Variants in FPGS observed in about 807,000 individuals in gnomAD.
The protein encoded by FPGS is folylpolyglutamate synthase.
FPGS carries 53 observed loss-of-function variants against 66.5 expected under a neutral mutation model. The ratio of observed to expected loss-of-function variants is 0.80; its 90% CI spans 0.64 to 1.00. FPGS has a LOEUF of 1.00. FPGS is among the 50% of genes least tolerant of loss of function. FPGS has a pLI of 0.00. For missense variants in FPGS, 702 were observed against 807.7 expected, an observed-to-expected ratio of 0.87 and a Z score of 1.59; for synonymous variants, 348 against 350.9, an observed-to-expected ratio of 0.99 and a Z score of 0.09.
In FPGS at chr9:127,807,614, CTT is replaced by C; in HGVS notation, c.671_672del (p.Leu224ArgfsTer24). The C allele has an allele frequency of 1.2e-6, 2 of 1,612,420 alleles. No homozygotes were observed. Among genetic ancestry groups the C allele is most frequent in the Non-Finnish European group, 1.7e-6 (2 of 1,179,462 alleles). On this transcript the variant is annotated frameshift_variant, in exon 8 of 15. Transcript: ENST00000373247. LOFTEE classifies it high-confidence loss of function. The surrounding 1 kb of genome is among the most constrained non-coding windows in gnomAD (Gnocchi z 5.8). ...GCCTGTGGTGTGCGGAGTCTCCTCT[CTT>C]GGCATCGACCACACCAGCCTCCTGG... ...RKPVVCGVSS[L>X]GIDHTSLLGD... is the part of the protein sequence containing the mutation.
rs1046238869 is a variant in FPGS, at chr9:127,804,711, G to GT, written c.386+12dup. ...GACGGGATTCTTTAGGTACTGGCTT[G>GT]TGGGGGGATGTGGTGTCTGTGTCCC... On this transcript the variant is annotated intron_variant, in intron 4 of 14. Coordinates refer to ENST00000373247, the MANE Select transcript of FPGS (RefSeq NM_004957.6). 1 of 1,612,260 alleles carries GT rather than the reference G, an allele frequency of 6.2e-7. No homozygotes were observed. Among genetic ancestry groups the GT allele is most frequent in the African/African-American group, 1.3e-5 (1 of 74,864 alleles).
chr9:127,810,189 C>A, intron 13 of FPGS, 83 bp downstream of exon 13: 1 of 1,162,200 alleles, frequency 8.6e-7, no homozygotes, highest in East Asian at 2.4e-5. Context: ...TGCCAATCCC[C>A]TCCCCCTTGA....
At chr9:127,810,427 C>T (rs182193000) in intron 13 of FPGS, among the ~76,000 whole-genome samples, 124 of 152,210 alleles carry the variant, frequency 8.1e-4, no homozygotes, top group African/African-American at 2.7e-3. Context: ...GGCATTTCCC[C>T]GAGCCTCAGT....
intron 14 of FPGS, among the ~76,000 whole-genome samples, chr9:127,811,346 G>A (rs1246901892): frequency 6.6e-6 from 1 of 152,056 alleles, no homozygotes; most frequent in Non-Finnish European, 1.5e-5. Flanking sequence ...GCCAGGCGTA[G>A]TGGTGGGTGC....
In FPGS at chr9:127,813,789, C is replaced by T. The variant is rs1830194320; in HGVS notation, c.*185C>T. Reference sequence around the variant, plus strand: ...TTAAGGCTCTGTGCCTTGGTCTCTCCTTCCTCTTGGCTGAGATAGCAGAGG... The same window carrying T: ...TTAAGGCTCTGTGCCTTGGTCTCTCTTTCCTCTTGGCTGAGATAGCAGAGG... On this transcript the variant is annotated 3_prime_UTR_variant, in exon 15 of 15. Coordinates refer to ENST00000373247, the MANE Select transcript of FPGS (RefSeq NM_004957.6). 3.1e-6 allele frequency: 4 copies of T among 1,286,376 alleles called. No homozygotes were observed. In the South Asian group the frequency reaches 1.1e-4, roughly 37 times the overall value. 79.7% of individuals were successfully genotyped at this position (1,286,376 alleles called of 1,614,324 possible). A position where few individuals can be genotyped will look rare whatever the true frequency, so the allele number is the denominator to read the frequency against.
At chr9:127,806,614 T>G in intron 4 of FPGS, 1 of 246,316 alleles carries the variant, frequency 4.1e-6, no homozygotes, top group African/African-American at 2.2e-5. Flanking sequence ...TGAACATTGG[T>G]TGTGGGCTTT....
Position 127,803,013 on chromosome 9 carries a change from G to GGGGCTTGAGCGCGTGGCC in FPGS, c.92_109dup (p.Gly31_Pro36dup). The GGGGCTTGAGCGCGTGGCC allele has an allele frequency of 6.8e-7, 1 of 1,465,632 alleles. No homozygotes were observed. The highest frequency in any genetic ancestry group is 9.0e-7 in the Non-Finnish European group (1 of 1,117,002). The allele number at this position is 1,465,632 out of a possible 1,614,324, so 90.8% of individuals were successfully genotyped here. A position where few individuals can be genotyped will look rare whatever the true frequency, so the allele number is the denominator to read the frequency against. ...ATAACGACCCAGGTCGCGGCGCGGC[G>GGGGCTTGAGCGCGTGGCC]GGGCTTGAGCGCGTGGCCGGTGCCG... On this transcript the variant is annotated inframe_insertion, in exon 1 of 15. Coordinates refer to ENST00000373247, the MANE Select transcript of FPGS (RefSeq NM_004957.6).
chr9:127,807,923 T>G lies in FPGS; in HGVS notation c.744+235T>G, dbSNP rs2131850071. 2 of 567,810 alleles carry G rather than the reference T, an allele frequency of 3.5e-6. No individual in the cohort carries two copies. The highest frequency in any genetic ancestry group is 5.9e-5 in the East Asian group (2 of 33,998). The allele number at this position is 567,810 out of a possible 1,614,324, so 35.2% of individuals were successfully genotyped here. The stretch of plus-strand genomic sequence containing the variant: ...GAGTTTGAGACCAGCCTGACCAATA[T>G]GGGGAAACTCTGTCTCTACTAAAAA... On this transcript the variant is annotated intron_variant, in intron 8 of 14. Transcript: ENST00000373247. The surrounding 1 kb of genome is among the most constrained non-coding windows in gnomAD (Gnocchi z 5.8).
Position 127,813,970 on chromosome 9 carries a change from C to T in FPGS, c.*366C>T. 1 of 1,067,370 alleles carries T rather than the reference C, an allele frequency of 9.4e-7. No individual in the cohort carries two copies. The highest frequency in any genetic ancestry group is 1.1e-6 in the Non-Finnish European group (1 of 883,896). The allele number at this position is 1,067,370 out of a possible 1,614,324, so 66.1% of individuals were successfully genotyped here. On this transcript the variant is annotated 3_prime_UTR_variant, in exon 15 of 15. Transcript: ENST00000373247. Reference sequence around the variant, plus strand: ...TGCTGGGTGGTAGATTTCCTCCTCCCAGTGCCTTCTGGGAAGGGAGAGGGC... The same window carrying T: ...TGCTGGGTGGTAGATTTCCTCCTCCTAGTGCCTTCTGGGAAGGGAGAGGGC...
chr9:127,814,219 G>C (rs1046828350), downstream of FPGS: 2 of 932,308 alleles, frequency 2.1e-6, no homozygotes, highest in African/African-American at 3.6e-5. Flanking sequence ...TGGCCTGTCT[G>C]TGAGATGAGA....
At position 127,810,977 on chromosome 9, in the gene FPGS, T is replaced by A; in HGVS notation, c.1320T>A (p.Pro440=). The A allele has an allele frequency of 6.3e-7, 1 of 1,589,130 alleles. No individual in the cohort carries two copies. Residue 440 remains proline, a synonymous_variant, in exon 14 of 15, where the codon CCT becomes CCA. Coordinates refer to ENST00000373247, the MANE Select transcript of FPGS (RefSeq NM_004957.6). ...PCQFDYAVFC[P]NLTEVSSTGN... is the part of the protein sequence containing the mutation. ...AGTTTGACTATGCCGTCTTCTGCCC[T>A]AACCTGACAGAGGTGTCATCCACAG...
At chr9:127,804,779 C>T in intron 4 of FPGS, 79 bp downstream of exon 4, 2 of 1,391,170 alleles carry the variant, frequency 1.4e-6, no homozygotes, top group Admixed American at 1.7e-5. Context: ...TGCTTCAGGA[C>T]CAGGGTCACC....
In FPGS at chr9:127,813,481, C is replaced by G. The variant is rs774217492; in HGVS notation, c.1641C>G (p.His547Gln). Residue 547 changes from histidine (H) to glutamine (Q), a missense_variant, in exon 15 of 15, where the codon CAC becomes CAG. Physicochemically the swap from His to Gln is conservative, Grantham distance 24 (BLOSUM62 0). This residue lies in a region of FPGS where 351 missense variants were observed against 363.7 expected (regional missense o/e 0.97). Coordinates refer to ENST00000373247, the MANE Select transcript of FPGS (RefSeq NM_004957.6). ...PPSPPKGLLT[H>Q]PVAHSGASIL... Reference sequence around the variant, plus strand: ...GTCCCCCAAAGGGCCTCCTCACCCACCCTGTGGCTCACAGTGGGGCCAGCA... The same window carrying G: ...GTCCCCCAAAGGGCCTCCTCACCCAGCCTGTGGCTCACAGTGGGGCCAGCA... 6.2e-6 allele frequency: 10 copies of G among 1,613,122 alleles called. No homozygotes were observed. Among genetic ancestry groups the G allele is most frequent in the Non-Finnish European group, 8.5e-6 (10 of 1,179,766 alleles).
intron 9 of FPGS, 66 bp from the exon 10 acceptor site, chr9:127,808,492 A>C: frequency 2.7e-5 from 43 of 1,583,684 alleles, no homozygotes; most frequent in East Asian, 4.6e-5. Flanking sequence ...GGGGGAGGGG[A>C]GAGATGCAAG....
At chr9:127,810,715 T>A (rs1037334610) in intron 13 of FPGS, among the ~76,000 whole-genome samples, 1 of 152,152 alleles carries the variant, frequency 6.6e-6, no homozygotes, top group African/African-American at 2.4e-5. Flanking sequence ...TGGCCACTGT[T>A]CCCCTGTCTG....
intron 2 of FPGS, 38 bp from the exon 3 acceptor site, chr9:127,804,461 C>A: frequency 6.2e-7 from 1 of 1,613,848 alleles, no homozygotes. Context: ...ATTTGTGATT[C>A]CCGTAGCTGA....
chr9:127,803,237 G>T (rs986316496), intron 1 of FPGS, 175 bp downstream of exon 1: 1 of 1,246,874 alleles, frequency 8.0e-7, no homozygotes, highest in Non-Finnish European at 1.0e-6. Flanking sequence ...CAGGAAGTTG[G>T]GCCCGGGCCG....
At chr9:127,808,497 T>TG in intron 9 of FPGS, 61 bp from the exon 10 acceptor site, 2 of 1,598,994 alleles carry the variant, frequency 1.3e-6, no homozygotes, top group South Asian at 2.2e-5. Flanking sequence ...AGGGGAGAGA[T>TG]GCAAGGGCTG....
Position 127,808,553 on chromosome 9 carries a change from C to T in FPGS, c.823-5C>T. On this transcript the variant is annotated splice_polypyrimidine_tract_variant and splice_region_variant and intron_variant, in intron 9 of 14. Coordinates refer to ENST00000373247, the MANE Select transcript of FPGS (RefSeq NM_004957.6). Reference sequence around the variant, plus strand: ...TGCTGACCCGCTCCTGCCTGTCTCCCCTAGTGTCCTCTATACCTGTGTCCG... The same window carrying T: ...TGCTGACCCGCTCCTGCCTGTCTCCTCTAGTGTCCTCTATACCTGTGTCCG... The T allele has an allele frequency of 1.2e-6, 2 of 1,612,580 alleles. No individual in the cohort carries two copies. Among genetic ancestry groups the T allele is most frequent in the Non-Finnish European group, 1.7e-6 (2 of 1,179,826 alleles).
Sources: allele counts gnomAD v4.1 joint callset (sites outside exome capture counted in the v4.1 genomes callset), GRCh38; gene constraint gnomAD v4.1.1; regional missense constraint gnomAD v4.1.1; non-coding constraint Gnocchi (gnomAD v3.1); transcripts MANE v1.5; gene names NCBI Gene and HGNC (gene_info 2026-07-23, HGNC 2026-07-21).